The following CGAS variants were observed in gnomAD, a reference collection of about 807,000 sequenced individuals.
The protein encoded by CGAS is 2'3'-cGAMP synthase.
Under a neutral mutation model 34.0 loss-of-function variants are expected in CGAS, and 31 were observed. The observed-to-expected ratio is 0.91, with a 90% CI of 0.69 to 1.23. CGAS has a LOEUF of 1.23. Among genes scored for constraint, CGAS ranks in the 50% most tolerant of loss-of-function variants. The probability of loss-of-function intolerance (pLI) is 0.00; values close to 1 mark genes in which losing one functional copy is unlikely to be tolerated. For synonymous variants in CGAS, 266 were observed against 260.0 expected (o/e 1.02, Z -0.22); for missense variants, 597 against 657.6 (o/e 0.91, Z 1.01).
intron 2 of CGAS, 48 bp from the exon 3 acceptor site, chr6:73,440,493 C>A (rs535672241): frequency 6.9e-7 from 1 of 1,442,394 alleles, no homozygotes; most frequent in African/African-American, 1.4e-5. Context: ...ATCCAATTTT[C>A]TCTGGAAATA....
At chr6:73,426,953 C>T (rs529585239) in intron 4 of CGAS, among the ~76,000 whole-genome samples, 13 of 150,646 alleles carry the variant, frequency 8.6e-5, no homozygotes, top group Non-Finnish European at 1.6e-4. Flanking sequence ...TGGGTTCAAG[C>T]GATTCTCCTG....
intron 3 of CGAS, among the ~76,000 whole-genome samples, chr6:73,433,892 T>C (rs1168591255): frequency 6.6e-6 from 1 of 152,214 alleles, no homozygotes; most frequent in Non-Finnish European, 1.5e-5. Context: ...TAAGTCATCA[T>C]TCCTGGCCCC....
At chr6:73,442,332 A>G (rs2150814670) in intron 2 of CGAS, among the ~76,000 whole-genome samples, 1 of 151,706 alleles carries the variant, frequency 6.6e-6, no homozygotes, top group East Asian at 1.9e-4. Context: ...GTTATAGGGT[A>G]TACCTCTCCT....
At chr6:73,433,708 C>T (rs1397770832) in intron 3 of CGAS, among the ~76,000 whole-genome samples, 1 of 150,950 alleles carries the variant, frequency 6.6e-6, no homozygotes, top group East Asian at 2.0e-4. Context: ...AGGATGGTCT[C>T]GATCTCTTGA....
rs548009684 is a variant in CGAS, at chr6:73,425,260, T to C, written c.1536A>G (p.Arg512=). 3.8e-6 allele frequency: 6 copies of C among 1,591,612 alleles called. No homozygotes were observed. The South Asian group carries it at 6.9e-5, about 18-fold the overall frequency. Residue 512 remains arginine (R), a synonymous_variant, in exon 5 of 5, where the codon AGA becomes AGG. Coordinates refer to ENST00000370315, the MANE Select transcript of CGAS (RefSeq NM_138441.3). ...EFLTKQIEYE[R]NNEFPVFDEF Reference sequence around the variant, plus strand: ...CATCAAAAACTGGAAACTCATTGTTTCTTTCATATTCAATTTGCTTTGTCA... The same window carrying C: ...CATCAAAAACTGGAAACTCATTGTTCCTTTCATATTCAATTTGCTTTGTCA...
chr6:73,451,408 G>T, intron 1 of CGAS, 117 bp downstream of exon 1: 1 of 1,179,892 alleles, frequency 8.5e-7, no homozygotes, highest in Non-Finnish European at 1.2e-6. Flanking sequence ...CGAAAAACAT[G>T]CAAAAGTCTA....
chr6:73,429,460 C>T (rs777218509), intron 3 of CGAS, among the ~76,000 whole-genome samples: 1 of 152,076 alleles, frequency 6.6e-6, no homozygotes, highest in African/African-American at 2.4e-5. Flanking sequence ...ACCATCCTTA[C>T]AGGTTTTATA....
intron 2 of CGAS, among the ~76,000 whole-genome samples, chr6:73,442,097 T>G (rs551184195): frequency 1.3e-5 from 2 of 152,216 alleles, no homozygotes; most frequent in South Asian, 4.1e-4. Flanking sequence ...GGTCTTGAAC[T>G]CTTGAGCTCA....
chr6:73,428,659 A>G, intron 4 of CGAS, 50 bp downstream of exon 4: 5 of 1,549,182 alleles, frequency 3.2e-6, no homozygotes, highest in Non-Finnish European at 4.4e-6. Context: ...GTCAACAAAT[A>G]ATTAAGCATA....
intron 3 of CGAS, among the ~76,000 whole-genome samples, chr6:73,429,692 G>C (rs186072064): frequency 6.6e-6 from 1 of 152,078 alleles, no homozygotes; most frequent in Non-Finnish European, 1.5e-5. Flanking sequence ...CGGGCGTGGT[G>C]GCGGGCGCCT....
chr6:73,429,198 A>T (rs1267837201), intron 3 of CGAS, among the ~76,000 whole-genome samples: 1 of 151,878 alleles, frequency 6.6e-6, no homozygotes, highest in African/African-American at 2.4e-5. Flanking sequence ...CAAAAAAAAA[A>T]AAAGAAAGAA....
At chr6:73,429,431 A>T (rs1317485742) in intron 3 of CGAS, among the ~76,000 whole-genome samples, 1 of 152,152 alleles carries the variant, frequency 6.6e-6, no homozygotes, top group Non-Finnish European at 1.5e-5. Context: ...ATTTGAATCA[A>T]TTTATTCACT....
rs1396105569 is a variant in CGAS at position 73,452,065 on chromosome 6, A to G, written c.117T>C (p.Ala39=). 1 of 1,538,434 alleles carries G rather than the reference A, an allele frequency of 6.5e-7. No individual in the cohort carries two copies. The highest frequency in any genetic ancestry group is 8.7e-7 in the Non-Finnish European group (1 of 1,143,240). ...GAPMDPTESP[A]APEAALPKAG... ...CCTTAGGCAGGGCGGCCTCGGGGGC[A>G]GCCGGAGACTCGGTGGGATCCATCG... The change falls in exon 1 of 5, where the codon GCT becomes GCC. Residue 39 remains alanine (A), a synonymous_variant. Coordinates refer to ENST00000370315, the MANE Select transcript of CGAS (RefSeq NM_138441.3).
In CGAS at chr6:73,451,807, G is replaced by A. The variant is rs2150019800; in HGVS notation, c.375C>T (p.Gly125=). The A allele has an allele frequency of 1.3e-6, 2 of 1,561,820 alleles. No homozygotes were observed. The highest frequency in any genetic ancestry group is 4.8e-5 in the East Asian group (2 of 41,282). ...LSRAGSCRQR[G]ARCSTKPRPP... Reference sequence around the variant, plus strand: ...GTCTTGGCTTCGTGGAGCAGCGCGCGCCCCTCTGGCGGCAAGAACCAGCCC... The same window carrying A: ...GTCTTGGCTTCGTGGAGCAGCGCGCACCCCTCTGGCGGCAAGAACCAGCCC... The change falls in exon 1 of 5, where the codon GGC becomes GGT. Residue 125 remains glycine (G), a synonymous_variant. Coordinates refer to ENST00000370315, the MANE Select transcript of CGAS (RefSeq NM_138441.3).
At chr6:73,426,630 G>A (rs1053295876) in intron 4 of CGAS, among the ~76,000 whole-genome samples, 6 of 150,156 alleles carry the variant, frequency 4.0e-5, no homozygotes, top group Non-Finnish European at 7.4e-5. Context: ...CCCCTCAAGC[G>A]ATCCAAAATC....
At position 73,452,242 on chromosome 6, in the gene CGAS, G is replaced by T; in HGVS notation, c.-61C>A. 1 of 1,511,066 alleles carries T rather than the reference G, an allele frequency of 6.6e-7. No homozygotes were observed. The highest frequency in any genetic ancestry group is 8.9e-7 in the Non-Finnish European group (1 of 1,128,658). The allele number at this position is 1,511,066 out of a possible 1,614,324, so 93.6% of individuals were successfully genotyped here. On this transcript the variant is annotated 5_prime_UTR_variant, in exon 1 of 5. Coordinates refer to ENST00000370315, the MANE Select transcript of CGAS (RefSeq NM_138441.3). ...TTTCAGGAAAAGGCCGCAAGAGGAA[G>T]AGCCAGCAGCAGCTGTTGGAAACCA...
chr6:73,443,112 A>G (rs946941643), intron 2 of CGAS, among the ~76,000 whole-genome samples: 3 of 152,110 alleles, frequency 2.0e-5, no homozygotes, highest in Admixed American at 6.6e-5. Flanking sequence ...TTCTCTTGTC[A>G]ACCCCACAAG....
intron 2 of CGAS, among the ~76,000 whole-genome samples, chr6:73,443,368 A>C (rs1770415745): frequency 6.7e-6 from 1 of 150,346 alleles, no homozygotes; most frequent in Non-Finnish European, 1.5e-5. Context: ...CCTCCCAAGT[A>C]GCTGGGATTA....
chr6:73,439,309 G>A (rs1206278496), intron 3 of CGAS, among the ~76,000 whole-genome samples: 5 of 150,822 alleles, frequency 3.3e-5, no homozygotes, highest in African/African-American at 4.9e-5. Flanking sequence ...GTGAAACCCC[G>A]TCTCTACTAA....
Sources: allele counts gnomAD v4.1 joint callset (sites outside exome capture counted in the v4.1 genomes callset), GRCh38; gene constraint gnomAD v4.1.1; transcripts MANE v1.5; gene names NCBI Gene and HGNC (gene_info 2026-07-23, HGNC 2026-07-21).